SRPRA: variants seen among roughly 807,000 people sequenced by gnomAD.
The protein encoded by SRPRA is signal recognition particle receptor subunit alpha.
A neutral mutation model predicts 61.1 loss-of-function variants in SRPRA; 30 were observed. That is an observed-to-expected ratio of 0.49 (90% CI 0.37 to 0.67). The LOEUF is 0.67. Among genes scored for constraint, SRPRA ranks in the 30% least tolerant of loss-of-function variants. The pLI is 0.00. For missense variants in SRPRA, 759 were observed against 828.4 expected, an observed-to-expected ratio of 0.92 and a Z score of 1.03; for synonymous variants, 324 against 299.7, an observed-to-expected ratio of 1.08 and a Z score of -0.84.
downstream of SRPRA, chr11:126,262,809 T>G (rs1950728822): frequency 6.6e-6 from 1 of 152,594 alleles, no homozygotes; most frequent in South Asian, 2.1e-4. Context: ...ACTTACCTGA[T>G]TCCTCGGAGC....
chr11:126,268,445 G>GCTTC (rs1440535777), intron 1 of SRPRA, among the ~76,000 whole-genome samples: 2 of 152,214 alleles, frequency 1.3e-5, no homozygotes, highest in Admixed American at 6.5e-5. Context: ...AATAGAGGGA[G>GCTTC]CGGAGGAGAA....
the SRPRA span, chr11:126,256,729 A>C: frequency 6.2e-7 from 1 of 1,614,192 alleles, no homozygotes; most frequent in Non-Finnish European, 8.5e-7. This position sits in a 1 kb window ranked among gnomAD's most constrained non-coding sequence, Gnocchi z 6.6. Flanking sequence ...AGATGAGTTC[A>C]AAAAGCTTCG....
the SRPRA span, chr11:126,250,435 C>T: frequency 1.9e-6 from 2 of 1,028,694 alleles, no homozygotes; most frequent in Admixed American, 4.1e-5. This position sits in a 1 kb window ranked among gnomAD's most constrained non-coding sequence, Gnocchi z 5.1. Flanking sequence ...AAATTTGTTA[C>T]TGCTGTAACT....
At chr11:126,243,785 TC>T in the SRPRA span, among the ~76,000 whole-genome samples, 1 of 151,036 alleles carries the variant, frequency 6.6e-6, no homozygotes, top group East Asian at 2.0e-4. Flanking sequence ...ATGCCTGTAA[TC>T]CCAGCTACCC....
At chr11:126,258,883 G>A (rs1047998849), downstream of SRPRA, among the ~76,000 whole-genome samples, 3 of 152,172 alleles carry the variant, frequency 2.0e-5, no homozygotes, top group African/African-American at 7.2e-5. Flanking sequence ...TAACAAAGAA[G>A]CAGTAAGGTT....
chr11:126,238,749 A>G, the SRPRA span, among the ~76,000 whole-genome samples: 11 of 152,124 alleles, frequency 7.2e-5, no homozygotes, highest in South Asian at 8.3e-4. Context: ...CTACCTTTAG[A>G]TGTACATGAA....
chr11:126,240,878 A>C, the SRPRA span: 2 of 1,614,190 alleles, frequency 1.2e-6, no homozygotes, highest in Non-Finnish European at 1.7e-6. Context: ...GTTGCGCCCC[A>C]AGTTCCAGCC....
chr11:126,245,273 C>T, the SRPRA span: 1 of 152,006 alleles, frequency 6.6e-6, no homozygotes, highest in Non-Finnish European at 1.5e-5. Flanking sequence ...CATAGTGAGA[C>T]CCTGTCTCTA....
chr11:126,258,274 C>G (rs1047499120), downstream of SRPRA, among the ~76,000 whole-genome samples: 1 of 152,094 alleles, frequency 6.6e-6, no homozygotes, highest in Non-Finnish European at 1.5e-5. Flanking sequence ...TGTAGTCCAG[C>G]TGCTTGGGAG....
the SRPRA span, among the ~76,000 whole-genome samples, chr11:126,251,731 C>CTT: frequency 1.8e-4 from 25 of 137,436 alleles, no homozygotes; most frequent in South Asian, 2.3e-3. Context: ...TAACTTGCAG[C>CTT]TTTTTTTTTT....
chr11:126,247,875 A>C, the SRPRA span, among the ~76,000 whole-genome samples: 29 of 145,872 alleles, frequency 2.0e-4, no homozygotes, highest in African/African-American at 6.0e-4. Context: ...AAATATATAT[A>C]TATATCTATA....
Position 126,268,886 on chromosome 11 carries a change from G to T in SRPRA, c.-82C>A, listed in dbSNP as rs968121210. 8.6e-5 allele frequency: 101 copies of T among 1,174,012 alleles called. No individual in the cohort carries two copies. The highest frequency in any genetic ancestry group is 1.2e-4 in the Non-Finnish European group (93 of 791,626). 72.7% of individuals were successfully genotyped at this position (1,174,012 alleles called of 1,614,324 possible). A position where few individuals can be genotyped will look rare whatever the true frequency, so the allele number is the denominator to read the frequency against. The stretch of plus-strand genomic sequence containing the variant: ...CCGCTTCCTGCTGCGCCAAGCGCGG[G>T]ACACGTCACACCAGTGGCCCCGGAA... On this transcript the variant is annotated 5_prime_UTR_variant, in exon 1 of 14. Transcript: ENST00000332118.
At chr11:126,237,316 G>C in the SRPRA span, among the ~76,000 whole-genome samples, 7 of 143,800 alleles carry the variant, frequency 4.9e-5, no homozygotes, top group Non-Finnish European at 7.5e-5. Context: ...TGCCTCCCGG[G>C]TTCAAGCAAT....
the SRPRA span, among the ~76,000 whole-genome samples, chr11:126,244,241 C>T: frequency 3.9e-5 from 6 of 152,046 alleles, no homozygotes; most frequent in Non-Finnish European, 7.4e-5. The surrounding 1 kb of genome is among the most constrained non-coding windows in gnomAD (Gnocchi z 4.5). Context: ...TGTTCTAGAC[C>T]GGGCAGTTAA....
chr11:126,267,759 T>C lies in SRPRA; in HGVS notation c.202-47A>G. 1 of 1,605,074 alleles carries C rather than the reference T, an allele frequency of 6.2e-7. No individual in the cohort carries two copies. Among genetic ancestry groups the C allele is most frequent in the Non-Finnish European group, 8.5e-7 (1 of 1,173,962 alleles). On this transcript the variant is annotated intron_variant, in intron 2 of 13. Transcript: ENST00000332118. This position sits in a 1 kb window ranked among gnomAD's most constrained non-coding sequence, Gnocchi z 4.2. The stretch of plus-strand genomic sequence containing the variant: ...CAACAGATCTGCTTACATACTAGCC[T>C]AGAATGGAGGGACGCCAACTCAACC...
At chr11:126,241,218 A>G in the SRPRA span, 1 of 614,722 alleles carries the variant, frequency 1.6e-6, no homozygotes, top group Non-Finnish European at 2.7e-6. Flanking sequence ...TATGGACCCT[A>G]CTCAGGACAG....
the SRPRA span, among the ~76,000 whole-genome samples, chr11:126,247,866 A>T: frequency 8.6e-3 from 1,248 of 144,932 alleles, 27 homozygotes; most frequent in Admixed American, 0.042. Context: ...TCAAAAAAAA[A>T]ATATATATAT....
rs1332768089 is a variant in SRPRA at position 126,267,692 on chromosome 11, C to T, written c.222G>A (p.Leu74=). The change falls in exon 3 of 14, where the codon CTG becomes CTA. Residue 74 remains leucine (L), a synonymous_variant. Coordinates refer to ENST00000332118, the MANE Select transcript of SRPRA (RefSeq NM_003139.4). This position sits in a 1 kb window ranked among gnomAD's most constrained non-coding sequence, Gnocchi z 4.2. ...TCAATTTGTCTACATATGTCAGTGT[C>T]AGGATCTTCTGAAAACCAACCTGTT... ...LVFVVGFQKI[L]TLTYVDKLID... is the part of the protein sequence containing the mutation. 3 of 1,614,076 alleles carry T rather than the reference C, an allele frequency of 1.9e-6. No homozygotes were observed. The Admixed American group carries it at 5.0e-5, about 27-fold the overall frequency.
chr11:126,262,237 T>C (rs1950716168), downstream of SRPRA: 1 of 1,289,982 alleles, frequency 7.8e-7, no homozygotes, highest in South Asian at 1.2e-5. Context: ...TCCCAGAAAG[T>C]AACAATAGCC....
Sources: gnomAD v4.1 joint callset for allele counts (sites outside exome capture counted in the v4.1 genomes callset) on GRCh38, gnomAD v4.1.1 for gene constraint, Gnocchi (gnomAD v3.1) non-coding constraint, MANE v1.5 for transcripts, NCBI Gene and HGNC (gene_info 2026-07-23, HGNC 2026-07-21) for gene names.